Variants in GABRA5 observed in about 807,000 individuals in gnomAD.
The protein encoded by GABRA5 is gamma-aminobutyric acid receptor subunit alpha-5.
GABRA5 carries 18 observed loss-of-function variants against 47.3 expected under a neutral mutation model. That is an observed-to-expected ratio of 0.38 (90% CI 0.26 to 0.56). GABRA5 has a LOEUF of 0.56. Among genes scored for constraint, GABRA5 ranks in the 20% least tolerant of loss-of-function variants. The pLI is 0.71. For synonymous variants in GABRA5, 237 were observed against 229.3 expected (o/e 1.03, Z -0.30); for missense variants, 365 against 599.3 (o/e 0.61, Z 4.08).
intron 3 of GABRA5, 127 bp from the exon 4 acceptor site, chr15:26,880,719 G>A (rs1400599875): frequency 1.1e-6 from 1 of 885,318 alleles, no homozygotes; most frequent in Non-Finnish European, 1.7e-6. Flanking sequence ...GGCACTATGG[G>A]AGCTGTGTTC....
chr15:26,924,401 T>C (rs1310895604), intron 7 of GABRA5, among the ~76,000 whole-genome samples: 1 of 152,122 alleles, frequency 6.6e-6, no homozygotes. Context: ...ACTGACACCA[T>C]ATGCATGGCC....
intron 6 of GABRA5, among the ~76,000 whole-genome samples, chr15:26,894,887 C>T (rs1334827323): frequency 6.6e-6 from 1 of 151,990 alleles, no homozygotes. Flanking sequence ...TCATTTGTTT[C>T]CGTGGGTCCG....
intron 7 of GABRA5, among the ~76,000 whole-genome samples, chr15:26,924,839 T>C (rs946788600): frequency 2.0e-5 from 3 of 152,120 alleles, no homozygotes; most frequent in Non-Finnish European, 4.4e-5. Context: ...TTTGTGCCCG[T>C]TGGTGTTTCC....
At chr15:26,944,057 G>A (rs1595438865) in intron 10 of GABRA5, among the ~76,000 whole-genome samples, 3 of 152,306 alleles carry the variant, frequency 2.0e-5, no homozygotes, top group East Asian at 1.9e-4. Context: ...GGCTAATTTC[G>A]CCACACAGAA....
At position 26,908,278 on chromosome 15, in the gene GABRA5, A is replaced by G. The variant is rs1282883607; in HGVS notation, c.498-6525A>G. On this transcript the variant is annotated intron_variant, in intron 6 of 10. Transcript: ENST00000335625. ...AGACGCCCCACTCATAGCACAAACTATGCTCCGTGTGCATGATGTGAATCT... is the reference window on the plus strand; with the variant it reads ...AGACGCCCCACTCATAGCACAAACTGTGCTCCGTGTGCATGATGTGAATCT... Among the ~76,000 whole-genome samples the G allele has an allele frequency of 3.3e-5, 5 of 152,176 alleles. No individual in the cohort carries two copies. The East Asian group carries it at 9.7e-4, about 29-fold the overall frequency.
intron 4 of GABRA5, among the ~76,000 whole-genome samples, chr15:26,882,901 C>T (rs966239329): frequency 6.6e-6 from 1 of 152,196 alleles, no homozygotes; most frequent in African/African-American, 2.4e-5. Context: ...AGGCCTCAGC[C>T]CAGGTCTTTC....
rs775037079 is a variant in GABRA5 at position 26,939,388 on chromosome 15, G to A, written c.725-537G>A. On this transcript the variant is annotated intron_variant, in intron 8 of 10. Coordinates refer to ENST00000335625, the MANE Select transcript of GABRA5 (RefSeq NM_000810.4). ...AACAGGCGACACCTCTCTGGTAGGTGGCAGAAGGGTTGAGCTGCCAGGACC... is the reference window on the plus strand; with the variant it reads ...AACAGGCGACACCTCTCTGGTAGGTAGCAGAAGGGTTGAGCTGCCAGGACC... 4 of 765,306 alleles carry A rather than the reference G, an allele frequency of 5.2e-6. No homozygotes were observed. In the South Asian group the frequency reaches 5.4e-5, roughly 10 times the overall value. The allele number at this position is 765,306 out of a possible 1,614,324, so 47.4% of individuals were successfully genotyped here.
At position 26,934,736 on chromosome 15, in the gene GABRA5, T is replaced by C. The variant is rs571146974; in HGVS notation, c.581-2449T>C. ...CTCAAGTCCACCCTGGTAGTGAGTGTCAGGCCCATGCTGCCTTACTTCCTT... is the reference window on the plus strand; with the variant it reads ...CTCAAGTCCACCCTGGTAGTGAGTGCCAGGCCCATGCTGCCTTACTTCCTT... On this transcript the variant is annotated intron_variant, in intron 7 of 10. Coordinates refer to ENST00000335625, the MANE Select transcript of GABRA5 (RefSeq NM_000810.4). Among the ~76,000 whole-genome samples, 146 of 152,268 alleles carry C rather than the reference T, an allele frequency of 9.6e-4. 1 individual carries two copies. The highest frequency in any genetic ancestry group is 3.4e-3 in the African/African-American group (143 of 41,542).
intron 7 of GABRA5, among the ~76,000 whole-genome samples, chr15:26,922,780 A>G (rs1893873150): frequency 6.6e-6 from 1 of 152,218 alleles, no homozygotes; most frequent in South Asian, 2.1e-4. Flanking sequence ...TTAATTAAAG[A>G]GACAAGGTCT....
At chr15:26,885,735 GA>G (rs1892861707) in intron 6 of GABRA5, among the ~76,000 whole-genome samples, 1 of 152,156 alleles carries the variant, frequency 6.6e-6, no homozygotes, top group African/African-American at 2.4e-5. Flanking sequence ...ATGGAAAAAG[GA>G]AGGGTTTGGA....
intron 7 of GABRA5, among the ~76,000 whole-genome samples, chr15:26,928,874 C>T (rs1418636561): frequency 2.6e-5 from 4 of 152,114 alleles, no homozygotes; most frequent in African/African-American, 9.7e-5. Flanking sequence ...TCACTGTGCC[C>T]TCACACGATG....
At chr15:26,898,844 C>T (rs1019810825) in intron 6 of GABRA5, among the ~76,000 whole-genome samples, 14 of 152,054 alleles carry the variant, frequency 9.2e-5, no homozygotes, top group Admixed American at 9.2e-4. Flanking sequence ...TGACTCCAGG[C>T]ACTGCTTTTG....
chr15:26,943,083 C>CAAAATA (rs746807058), intron 9 of GABRA5, 132 bp from the exon 10 acceptor site: 147 of 681,352 alleles, frequency 2.2e-4, no homozygotes, highest in Admixed American at 8.2e-4. Flanking sequence ...GACTCTGTCT[C>CAAAATA]AAAATAAAAA....
At chr15:26,906,095 T>C (rs550595791) in intron 6 of GABRA5, among the ~76,000 whole-genome samples, 2 of 151,862 alleles carry the variant, frequency 1.3e-5, no homozygotes, top group South Asian at 4.2e-4. Flanking sequence ...GTGGTGACCC[T>C]GGATGTTATA....
chr15:26,915,494 G>A (rs887072250), intron 7 of GABRA5, among the ~76,000 whole-genome samples: 1 of 152,198 alleles, frequency 6.6e-6, no homozygotes, highest in Non-Finnish European at 1.5e-5. Flanking sequence ...CAGAGGAATT[G>A]ACAGTTGAGA....
intron 6 of GABRA5, among the ~76,000 whole-genome samples, chr15:26,895,810 G>A (rs1323551592): frequency 4.1e-4 from 4 of 9,650 alleles, no homozygotes; most frequent in African/African-American, 1.7e-3. Context: ...GCAAGACTCC[G>A]TCAAAAAAAA....
chr15:26,898,724 C>A (rs370009430), intron 6 of GABRA5, among the ~76,000 whole-genome samples: 1 of 134,866 alleles, frequency 7.4e-6, no homozygotes, highest in African/African-American at 3.0e-5. Context: ...TTGGGCTTAG[C>A]GTGCTCTTTT....
At chr15:26,873,134 T>G (rs1892512566) in intron 3 of GABRA5, among the ~76,000 whole-genome samples, 1 of 152,204 alleles carries the variant, frequency 6.6e-6, no homozygotes. Context: ...TATATTTATT[T>G]TAGTAAGACC....
At chr15:26,875,714 G>C (rs1892580934) in intron 3 of GABRA5, among the ~76,000 whole-genome samples, 1 of 152,010 alleles carries the variant, frequency 6.6e-6, no homozygotes, top group South Asian at 2.1e-4. Flanking sequence ...AGCGTCGTCA[G>C]GGAGGAAGGG....
Sources: gnomAD v4.1 joint callset for allele counts (sites outside exome capture counted in the v4.1 genomes callset) on GRCh38, gnomAD v4.1.1 for gene constraint, MANE v1.5 for transcripts, NCBI Gene and HGNC (gene_info 2026-07-23, HGNC 2026-07-21) for gene names.